Variants in MTUS2 observed in about 807,000 individuals in gnomAD.
The protein encoded by MTUS2 is microtubule associated scaffold protein 2.
Under a neutral mutation model 114.1 loss-of-function variants are expected in MTUS2, and 40 were observed. The observed-to-expected ratio is 0.35, with a 90% confidence interval of 0.27 to 0.46. MTUS2 has a LOEUF of 0.46. MTUS2 is among the 20% of genes least tolerant of loss of function. The probability of loss-of-function intolerance (pLI) is 1.00; values close to 1 mark genes in which losing one functional copy is unlikely to be tolerated. For synonymous variants in MTUS2, 688 were observed against 672.0 expected, an observed-to-expected ratio of 1.02 and a Z score of -0.37; for missense variants, 1,679 against 1,705.4, an observed-to-expected ratio of 0.98 and a Z score of 0.27.
chr13:29,283,679 C>T (rs1326827651), intron 6 of MTUS2, among the ~76,000 whole-genome samples: 2 of 152,124 alleles, frequency 1.3e-5, no homozygotes, highest in Non-Finnish European at 2.9e-5. Flanking sequence ...CGAGAATTTG[C>T]ATTTCTAACA....
rs183323541 is a variant in MTUS2, at chr13:28,984,038, G to C, written c.-242-40419G>C. 1.1e-4 allele frequency among the ~76,000 whole-genome samples: 17 copies of C among 152,280 alleles called. 1 individual carries two copies. In the East Asian group the frequency reaches 2.3e-3, roughly 21 times the overall value. On this transcript the variant is annotated intron_variant, in intron 2 of 15. Coordinates refer to ENST00000612955, the MANE Select transcript of MTUS2 (RefSeq NM_001033602.4). ...TTACCTGTTTCCAGCTCTATGTTCA[G>C]TGGGCTTGACAACAGATTCCACTTT...
At chr13:29,286,563 A>T (rs1898489364) in intron 6 of MTUS2, among the ~76,000 whole-genome samples, 1 of 152,194 alleles carries the variant, frequency 6.6e-6, no homozygotes, top group African/African-American at 2.4e-5. Context: ...TGAGAAGAGG[A>T]AAGGCAGGTA....
intron 2 of MTUS2, among the ~76,000 whole-genome samples, chr13:28,973,551 G>A (rs1883951800): frequency 6.6e-6 from 1 of 152,166 alleles, no homozygotes; most frequent in South Asian, 2.1e-4. Flanking sequence ...GAAAGTGACT[G>A]CATCTTATTT....
At chr13:29,399,378 A>G (rs1874153652) in intron 8 of MTUS2, among the ~76,000 whole-genome samples, 1 of 151,918 alleles carries the variant, frequency 6.6e-6, no homozygotes, top group Non-Finnish European at 1.5e-5. Flanking sequence ...TGCCTTAACC[A>G]TCTGGGAATG....
intron 4 of MTUS2, among the ~76,000 whole-genome samples, chr13:29,065,905 A>G (rs1189999683): frequency 6.6e-6 from 1 of 151,678 alleles, no homozygotes; most frequent in Non-Finnish European, 1.5e-5. Flanking sequence ...ATAATCAACA[A>G]ATTCAAACCC....
In MTUS2 at chr13:29,498,443, T is replaced by G. The variant is rs369450924; in HGVS notation, c.3704T>G (p.Leu1235Trp). ...LEIALAPYQH[L>W]EEDMKSLKQV... ...ATTGCATTGGCTCCTTATCAGCACT[T>G]GGAAGAAGACATGAAGAGTCTGAAG... Residue 1235 changes from leucine to tryptophan, a missense_variant, in exon 14 of 16, where the codon TTG (leucine) becomes TGG (tryptophan). Physicochemically the swap from Leu to Trp is moderately conservative, Grantham distance 61. This residue lies in a region of MTUS2 where 822 missense variants were observed against 899.7 expected (regional missense o/e 0.91). Coordinates refer to ENST00000612955, the MANE Select transcript of MTUS2 (RefSeq NM_001033602.4). 3.7e-6 allele frequency: 6 copies of G among 1,614,050 alleles called. No individual in the cohort carries two copies. Among genetic ancestry groups the G allele is most frequent in the African/African-American group, 1.3e-5 (1 of 74,926 alleles).
At chr13:29,349,890 T>C (rs919420437) in intron 7 of MTUS2, among the ~76,000 whole-genome samples, 4 of 152,198 alleles carry the variant, frequency 2.6e-5, no homozygotes, top group African/African-American at 7.2e-5. Flanking sequence ...AATTTTTGGA[T>C]CTGTTTTTAT....
chr13:29,138,487 ATTT>A lies in MTUS2; in HGVS notation c.2644+37520_2644+37522del, dbSNP rs1229943899. Among the ~76,000 whole-genome samples, 6 of 148,322 alleles carry A rather than the reference ATTT, an allele frequency of 4.0e-5. No homozygotes were observed. In the Admixed American group the frequency reaches 4.0e-4, roughly 10 times the overall value. ...ATATGTATATAAATTATATTTATATATTTTTAATATTTATATTTGAGTTATATA... is the reference window on the plus strand; with the variant it reads ...ATATGTATATAAATTATATTTATATATTAATATTTATATTTGAGTTATATA... On this transcript the variant is annotated intron_variant, in intron 5 of 15. Coordinates refer to ENST00000612955, the MANE Select transcript of MTUS2 (RefSeq NM_001033602.4).
chr13:29,446,930 C>T (rs897202396), intron 9 of MTUS2, among the ~76,000 whole-genome samples: 4 of 152,096 alleles, frequency 2.6e-5, no homozygotes, highest in Non-Finnish European at 5.9e-5. Context: ...TGAATTTGCT[C>T]ATATTTGTGT....
intron 5 of MTUS2, among the ~76,000 whole-genome samples, chr13:29,184,159 G>A (rs1894123498): frequency 5.3e-5 from 8 of 151,534 alleles, no homozygotes; most frequent in Admixed American, 1.3e-4. Context: ...GTTTTTTTTC[G>A]GTAAAATTTA....
chr13:29,465,702 C>G (rs1338930539), intron 9 of MTUS2, among the ~76,000 whole-genome samples: 1 of 152,182 alleles, frequency 6.6e-6, no homozygotes, highest in Non-Finnish European at 1.5e-5. Flanking sequence ...GCTTGTTCCA[C>G]TTGACCATCA....
intron 8 of MTUS2, among the ~76,000 whole-genome samples, chr13:29,378,217 C>A (rs1170709553): frequency 6.6e-6 from 1 of 151,834 alleles, no homozygotes; most frequent in Non-Finnish European, 1.5e-5. Flanking sequence ...ACATTTATAG[C>A]CCTATACACA....
At chr13:28,824,857 G>A (rs1874157177) in intron 1 of MTUS2, among the ~76,000 whole-genome samples, 1 of 152,278 alleles carries the variant, frequency 6.6e-6, no homozygotes, top group Middle Eastern at 3.4e-3. Flanking sequence ...ATACTGCTAT[G>A]GAGAAAATAA....
At chr13:29,383,496 G>A (rs1872402640) in intron 8 of MTUS2, among the ~76,000 whole-genome samples, 1 of 152,012 alleles carries the variant, frequency 6.6e-6, no homozygotes, top group Non-Finnish European at 1.5e-5. Flanking sequence ...TCTAAGGCAA[G>A]GATGACTAAG....
At chr13:29,322,371 C>T (rs1212300582) in intron 6 of MTUS2, among the ~76,000 whole-genome samples, 1 of 152,062 alleles carries the variant, frequency 6.6e-6, no homozygotes, top group Non-Finnish European at 1.5e-5. Flanking sequence ...TGAGGGGTAC[C>T]CGTGACTTCA....
rs185415337 is a variant in MTUS2, at chr13:28,941,403, G to A, written c.-242-83054G>A. The stretch of plus-strand genomic sequence containing the variant: ...TTAAAAACATTTATGAATATAATAC[G>A]TAAATATTTAGAACAATAACAAATC... On this transcript the variant is annotated intron_variant, in intron 2 of 15. Coordinates refer to ENST00000612955, the MANE Select transcript of MTUS2 (RefSeq NM_001033602.4). Among the ~76,000 whole-genome samples the A allele has an allele frequency of 1.5e-3, 226 of 152,062 alleles. 1 individual carries two copies. Among genetic ancestry groups the A allele is most frequent in the Non-Finnish European group, 2.5e-3 (167 of 67,918 alleles).
intron 5 of MTUS2, among the ~76,000 whole-genome samples, chr13:29,142,944 G>C (rs1013615052): frequency 2.0e-5 from 3 of 152,238 alleles, no homozygotes; most frequent in Non-Finnish European, 4.4e-5. Context: ...CAATAAGCTA[G>C]TTACTTTGTG....
At chr13:29,176,418 G>T (rs1393237540) in intron 5 of MTUS2, among the ~76,000 whole-genome samples, 1 of 152,170 alleles carries the variant, frequency 6.6e-6, no homozygotes, top group Non-Finnish European at 1.5e-5. Context: ...GGTGTCCGTT[G>T]TGTGTTCTCT....
At chr13:29,070,524 C>A (rs226903) in intron 4 of MTUS2, among the ~76,000 whole-genome samples, 1 of 151,090 alleles carries the variant, frequency 6.6e-6, no homozygotes, top group Non-Finnish European at 1.5e-5. Flanking sequence ...GATCTGATTT[C>A]TTTTTTTTCC....
Sources: gnomAD v4.1 joint callset for allele counts (sites outside exome capture counted in the v4.1 genomes callset) on GRCh38, gnomAD v4.1.1 for gene constraint, gnomAD v4.1.1 regional missense constraint, MANE v1.5 for transcripts, NCBI Gene and HGNC (gene_info 2026-07-23, HGNC 2026-07-21) for gene names.